NMT2: variants seen among roughly 807,000 people sequenced by gnomAD.
The protein encoded by NMT2 is N-myristoyltransferase 2, also known as glycylpeptide N-tetradecanoyltransferase 2.
Under a neutral mutation model 65.4 loss-of-function variants are expected in NMT2, and 35 were observed. The ratio of observed to expected loss-of-function variants is 0.54; its 90% CI spans 0.41 to 0.71. NMT2 has a LOEUF of 0.71. Ranked by LOEUF, NMT2 falls within the 30% of genes least tolerant of loss-of-function variation. The probability of loss-of-function intolerance (pLI) is 0.00; values close to 1 mark genes in which losing one functional copy is unlikely to be tolerated. For synonymous variants in NMT2, 226 were observed against 231.8 expected (o/e 0.98, Z 0.23); for missense variants, 489 against 611.3 (o/e 0.80, Z 2.11).
intron 9 of NMT2, among the ~76,000 whole-genome samples, chr10:15,114,226 C>T (rs756448463): frequency 4.6e-5 from 7 of 152,192 alleles, no homozygotes; most frequent in Admixed American, 1.3e-4. Context: ...CCATCTCATA[C>T]GCTGAATTAC....
rs1018013257 is a variant in NMT2, at chr10:15,106,774, G to A, written c.*2421C>T. 2.3e-6 allele frequency: 1 copy of A among 439,212 alleles called. No individual in the cohort carries two copies. The highest frequency in any genetic ancestry group is 3.0e-6 in the Non-Finnish European group (1 of 330,828). 27.2% of individuals were successfully genotyped at this position (439,212 alleles called of 1,614,324 possible). On this transcript the variant is annotated 3_prime_UTR_variant, in exon 12 of 12. Transcript: ENST00000378165. Reference sequence around the variant, plus strand: ...TGTCACAACAACTCAACTCAGCTTTGTAGTGTGAAGCAGCCATAGGCAATA... The same window carrying A: ...TGTCACAACAACTCAACTCAGCTTTATAGTGTGAAGCAGCCATAGGCAATA...
At chr10:15,118,098 TC>T (rs1845802898) in intron 9 of NMT2, among the ~76,000 whole-genome samples, 2 of 152,236 alleles carry the variant, frequency 1.3e-5, no homozygotes, top group South Asian at 4.1e-4. Flanking sequence ...GAGGAATTAC[TC>T]TACCTGATAC....
At chr10:15,159,529 C>G (rs1181600134) in intron 1 of NMT2, among the ~76,000 whole-genome samples, 1 of 152,050 alleles carries the variant, frequency 6.6e-6, no homozygotes, top group Non-Finnish European at 1.5e-5. Context: ...CTCTCGGGTT[C>G]AAGCAATTCT....
chr10:15,142,585 T>C lies in NMT2; in HGVS notation c.111-1028A>G, dbSNP rs75585264. On this transcript the variant is annotated intron_variant, in intron 1 of 11. Transcript: ENST00000378165. Reference sequence around the variant, plus strand: ...AAAAAAGAACTGAGCACTTGAGCTATAGATTCATATTTCCACTCCAATTCT... The same window carrying C: ...AAAAAAGAACTGAGCACTTGAGCTACAGATTCATATTTCCACTCCAATTCT... Among the ~76,000 whole-genome samples the C allele has an allele frequency of 9.4e-3, 1,430 of 152,320 alleles. 28 individuals carry two copies. Among genetic ancestry groups the C allele is most frequent in the African/African-American group, 0.032 (1,341 of 41,570 alleles).
chr10:15,119,072 C>T (rs1047998173), intron 9 of NMT2, among the ~76,000 whole-genome samples: 3 of 152,216 alleles, frequency 2.0e-5, no homozygotes, highest in Non-Finnish European at 4.4e-5. Flanking sequence ...GGTGCCTTAG[C>T]ACAAAACAAG....
intron 2 of NMT2, among the ~76,000 whole-genome samples, 194 bp from the exon 3 acceptor site, chr10:15,135,612 T>G (rs1846455327): frequency 6.6e-6 from 1 of 152,010 alleles, no homozygotes; most frequent in Admixed American, 6.6e-5. Flanking sequence ...GTAACAACAG[T>G]TGTCTAGTTT....
intron 2 of NMT2, chr10:15,141,055 C>T (rs1158237512): frequency 6.5e-7 from 1 of 1,545,586 alleles, no homozygotes; most frequent in African/African-American, 1.4e-5. Context: ...GACAGACACC[C>T]AGAAAAATTA....
intron 1 of NMT2, chr10:15,155,181 T>A: frequency 1.3e-6 from 2 of 1,534,860 alleles, no homozygotes; most frequent in Non-Finnish European, 1.8e-6. Context: ...GGAACCCTTA[T>A]AACCAAATCC....
intron 9 of NMT2, 75 bp downstream of exon 9, chr10:15,119,268 G>A (rs1392970108): frequency 1.5e-6 from 2 of 1,297,458 alleles, no homozygotes; most frequent in South Asian, 1.3e-5. Flanking sequence ...GGAAGTGTGT[G>A]TAAATAATTC....
intron 8 of NMT2, among the ~76,000 whole-genome samples, chr10:15,124,138 T>C (rs747694521): frequency 6.6e-6 from 1 of 152,346 alleles, no homozygotes; most frequent in Middle Eastern, 3.4e-3. Flanking sequence ...CTCTGACTTC[T>C]GCTTTTTATC....
chr10:15,108,644 A>G lies in NMT2; in HGVS notation c.*551T>C, dbSNP rs1845399858. On this transcript the variant is annotated 3_prime_UTR_variant, in exon 12 of 12. Transcript: ENST00000378165. Reference sequence around the variant, plus strand: ...GTACTAGTCACCAGTACATTTTAATATTGCTCTGCACTTAAACAACCACCA... The same window carrying G: ...GTACTAGTCACCAGTACATTTTAATGTTGCTCTGCACTTAAACAACCACCA... 1 of 988,262 alleles carries G rather than the reference A, an allele frequency of 1.0e-6. No individual in the cohort carries two copies. Among genetic ancestry groups the G allele is most frequent in the Non-Finnish European group, 1.2e-6 (1 of 832,222 alleles). 61.2% of individuals were successfully genotyped at this position (988,262 alleles called of 1,614,324 possible).
chr10:15,113,145 T>G (rs1845623460), intron 9 of NMT2, among the ~76,000 whole-genome samples, 182 bp from the exon 10 acceptor site: 2 of 151,704 alleles, frequency 1.3e-5, no homozygotes, highest in Admixed American at 6.6e-5. Flanking sequence ...GGGCCTGGAG[T>G]TGGGACTTCA....
intron 1 of NMT2, among the ~76,000 whole-genome samples, chr10:15,159,775 T>G (rs1833124992): frequency 6.6e-6 from 1 of 152,160 alleles, no homozygotes. Flanking sequence ...ACACACACAT[T>G]AAGCAACAGA....
chr10:15,155,946 C>G (rs977050831), intron 1 of NMT2, among the ~76,000 whole-genome samples: 2 of 152,096 alleles, frequency 1.3e-5, no homozygotes, highest in African/African-American at 4.8e-5. Flanking sequence ...AAAGTCGCAT[C>G]CAGGGCGGGA....
chr10:15,112,944 G>C lies in NMT2; in HGVS notation c.1190C>G (p.Thr397Ser), dbSNP rs142151795. 14 of 1,614,128 alleles carry C rather than the reference G, an allele frequency of 8.7e-6. No homozygotes were observed. The African/African-American group carries it at 1.7e-4, about 20-fold the overall frequency. The change falls in exon 10 of 12, where the codon ACT becomes AGT. Residue 397 changes from threonine to serine, a missense_variant. Transcript: ENST00000378165. Reference sequence around the variant, plus strand: ...GAGCGTATAGAAGCTCAGGAAATCAGTCAGTTTACCGTTGGGGCTCTAGGA... The same window carrying C: ...GAGCGTATAGAAGCTCAGGAAATCACTCAGTTTACCGTTGGGGCTCTAGGA... Reference protein sequence around the residue: ...FVVESPNGKLTDFLSFYTLPS... With the variant: ...FVVESPNGKLSDFLSFYTLPS...
chr10:15,161,659 C>T (rs1833203485), intron 1 of NMT2, among the ~76,000 whole-genome samples: 2 of 151,964 alleles, frequency 1.3e-5, no homozygotes, highest in Non-Finnish European at 2.9e-5. Context: ...CACGCCTGGC[C>T]GGGAGGATGT....
chr10:15,112,021 C>T (rs1405431268), intron 10 of NMT2, among the ~76,000 whole-genome samples: 3 of 150,178 alleles, frequency 2.0e-5, no homozygotes, highest in Admixed American at 6.7e-5. Flanking sequence ...ACCATGTAGA[C>T]TGGCTACAAT....
chr10:15,132,584 C>T (rs1358722761), intron 6 of NMT2, among the ~76,000 whole-genome samples: 2 of 152,088 alleles, frequency 1.3e-5, no homozygotes, highest in East Asian at 1.9e-4. Flanking sequence ...CCTACCACCA[C>T]GCCCAACTAA....
chr10:15,148,150 T>A (rs1356827557), intron 1 of NMT2, among the ~76,000 whole-genome samples: 3 of 152,222 alleles, frequency 2.0e-5, no homozygotes. Context: ...CTGTGTGACT[T>A]TGAGTTTATT....
Sources: gnomAD v4.1 joint callset for allele counts (sites outside exome capture counted in the v4.1 genomes callset) on GRCh38, gnomAD v4.1.1 for gene constraint, MANE v1.5 for transcripts, NCBI Gene and HGNC (gene_info 2026-07-23, HGNC 2026-07-21) for gene names.